Variants in PTPRD observed in about 807,000 individuals in gnomAD.
PTPRD encodes the protein receptor-type tyrosine-protein phosphatase delta.
A neutral mutation model predicts 214.5 loss-of-function variants in PTPRD; 34 were observed. That is an observed-to-expected ratio of 0.16 (90% CI 0.12 to 0.21). PTPRD has a LOEUF of 0.21. Ranked by LOEUF, PTPRD falls within the 10% of genes least tolerant of loss-of-function variation. The pLI is 1.00. For synonymous variants in PTPRD, 1,128 were observed against 845.7 expected (o/e 1.33, Z -5.79); for missense variants, 2,545 against 2,398.7 (o/e 1.06, Z -1.27).
intron 2 of PTPRD, among the ~76,000 whole-genome samples, chr9:10,392,230 G>A (rs1853451): frequency 0.85 from 129,725 of 151,950 alleles, 55,387 homozygotes; most frequent in East Asian, 0.89. Flanking sequence ...CATAATGTAT[G>A]TATCCACAAT....
intron 3 of PTPRD, among the ~76,000 whole-genome samples, chr9:10,186,492 G>A (rs181145093): frequency 6.6e-6 from 1 of 152,138 alleles, no homozygotes; most frequent in East Asian, 1.9e-4. Flanking sequence ...AAAGCATGAG[G>A]CTATTATAAC....
At chr9:10,167,087 G>C (rs1246599332) in intron 3 of PTPRD, among the ~76,000 whole-genome samples, 2 of 150,934 alleles carry the variant, frequency 1.3e-5, no homozygotes, top group Admixed American at 1.3e-4. Context: ...TTATCTACTT[G>C]AGTTTACAGG....
intron 2 of PTPRD, among the ~76,000 whole-genome samples, chr9:10,482,365 C>T (rs1022779200): frequency 1.3e-5 from 2 of 151,394 alleles, no homozygotes; most frequent in Admixed American, 6.6e-5. Flanking sequence ...AGCAAGACTC[C>T]GTTTCAATAA....
At chr9:9,107,106 T>G (rs1033856985) in intron 10 of PTPRD, among the ~76,000 whole-genome samples, 2 of 152,160 alleles carry the variant, frequency 1.3e-5, no homozygotes, top group African/African-American at 4.8e-5. Flanking sequence ...AGAAATTATT[T>G]TTTTGTTACT....
chr9:9,412,321 C>T (rs2075708648), intron 8 of PTPRD, among the ~76,000 whole-genome samples: 1 of 152,110 alleles, frequency 6.6e-6, no homozygotes, highest in African/African-American at 2.4e-5. Context: ...CACTGCATCT[C>T]AAACACCCAT....
intron 11 of PTPRD, among the ~76,000 whole-genome samples, chr9:8,812,425 A>T (rs1400135288): frequency 6.6e-6 from 1 of 152,228 alleles, no homozygotes; most frequent in Admixed American, 6.5e-5. Context: ...CTGCTAATTA[A>T]GAATCCCCTG....
chr9:9,421,315 A>G (rs994293359), intron 8 of PTPRD, among the ~76,000 whole-genome samples: 21 of 128,220 alleles, frequency 1.6e-4, no homozygotes, highest in African/African-American at 5.9e-4. Flanking sequence ...TGTTACATAC[A>G]ATATAAACAG....
At chr9:8,397,775 G>A (rs10116650) in intron 36 of PTPRD, among the ~76,000 whole-genome samples, 42,249 of 151,924 alleles carry the variant, frequency 0.28, 6,039 homozygotes, top group African/African-American at 0.3. Flanking sequence ...TCTTAGAGGT[G>A]GTGATTCCAT....
chr9:8,475,229 A>G (rs2096739237), intron 30 of PTPRD, among the ~76,000 whole-genome samples: 1 of 152,102 alleles, frequency 6.6e-6, no homozygotes, highest in Non-Finnish European at 1.5e-5. Flanking sequence ...CATTACATCA[A>G]AAGGGGAGTT....
In PTPRD at chr9:9,245,415, T is replaced by C. The variant is rs71497131; in HGVS notation, c.-202-62052A>G. Reference sequence around the variant, plus strand: ...CTGGATTAAGAAAATGTGGCACATATACACCACGGAGTACTATGCAGCCAT... The same window carrying C: ...CTGGATTAAGAAAATGTGGCACATACACACCACGGAGTACTATGCAGCCAT... On this transcript the variant is annotated intron_variant, in intron 9 of 45. Transcript: ENST00000381196. Among the ~76,000 whole-genome samples, 696 of 152,236 alleles carry C rather than the reference T, an allele frequency of 4.6e-3. 2 individuals carry two copies. The highest frequency in any genetic ancestry group is 8.9e-3 in the South Asian group (43 of 4,822).
chr9:9,030,294 T>C (rs1295525310), intron 10 of PTPRD, among the ~76,000 whole-genome samples: 1 of 145,282 alleles, frequency 6.9e-6, no homozygotes, highest in Non-Finnish European at 1.5e-5. Flanking sequence ...TTTTTTTTTT[T>C]TTTTTTTTTT....
chr9:8,414,666 G>A (rs911387181), intron 35 of PTPRD, among the ~76,000 whole-genome samples: 2 of 151,766 alleles, frequency 1.3e-5, no homozygotes, highest in East Asian at 3.9e-4. Context: ...TACACCTACT[G>A]TCCCAGCGTA....
rs1565650738 is a variant in PTPRD at position 8,733,840 on chromosome 9, C to T, written c.4G>A (p.Val2Met). Residue 2 changes from valine (V) to methionine (M), a missense_variant, in exon 12 of 46, where the codon GTG becomes ATG. Coordinates refer to ENST00000381196, the MANE Select transcript of PTPRD (RefSeq NM_002839.4). Reference protein sequence around the residue: MVHVARLLLLLL... With the variant: MMHVARLLLLLL... ...AGCAGCAGCAGCCTGGCTACGTGCA[C>T]CATCCTGCAGCTTGGCAGCAGCGTG... 6.4e-7 allele frequency: 1 copy of T among 1,551,474 alleles called. No individual in the cohort carries two copies.
At chr9:8,401,068 G>T (rs1306911760) in intron 36 of PTPRD, among the ~76,000 whole-genome samples, 1 of 152,044 alleles carries the variant, frequency 6.6e-6, no homozygotes, top group Non-Finnish European at 1.5e-5. Flanking sequence ...ACAAGTTTAG[G>T]CATAATATTA....
At chr9:8,580,146 T>C (rs1325408490) in intron 14 of PTPRD, among the ~76,000 whole-genome samples, 10 of 152,070 alleles carry the variant, frequency 6.6e-5, no homozygotes, top group Admixed American at 6.6e-4. Flanking sequence ...ACGAAACAAA[T>C]GTTTATGGAA....
At chr9:8,987,631 T>C (rs2099350877) in intron 11 of PTPRD, among the ~76,000 whole-genome samples, 1 of 152,108 alleles carries the variant, frequency 6.6e-6, no homozygotes, top group Admixed American at 6.6e-5. Flanking sequence ...TGTGTGTGCT[T>C]ATGTGGACTA....
At chr9:10,252,744 G>C (rs757942717) in intron 3 of PTPRD, among the ~76,000 whole-genome samples, 11 of 152,006 alleles carry the variant, frequency 7.2e-5, no homozygotes, top group Non-Finnish European at 1.0e-4. Flanking sequence ...TTCAGAATTA[G>C]TTTGATTTAC....
At chr9:9,287,178 T>C (rs1160824747) in intron 9 of PTPRD, among the ~76,000 whole-genome samples, 1 of 151,126 alleles carries the variant, frequency 6.6e-6, no homozygotes, top group East Asian at 2.0e-4. Flanking sequence ...TGAGCGGAGA[T>C]CACATCACTG....
chr9:9,313,525 T>C (rs114671859), intron 9 of PTPRD, among the ~76,000 whole-genome samples: 245 of 152,270 alleles, frequency 1.6e-3, no homozygotes, highest in African/African-American at 5.6e-3. Context: ...AATGATGAAA[T>C]CTAGCCTCTG....
Sources: allele counts gnomAD v4.1 joint callset (sites outside exome capture counted in the v4.1 genomes callset), GRCh38; gene constraint gnomAD v4.1.1; transcripts MANE v1.5; gene names NCBI Gene and HGNC (gene_info 2026-07-23, HGNC 2026-07-21).